The following RYR2 variants were observed in gnomAD, a reference collection of about 807,000 sequenced individuals.
The protein encoded by RYR2 is ryanodine receptor 2.
A neutral mutation model predicts 601.1 loss-of-function variants in RYR2; 227 were observed. The observed-to-expected ratio is 0.38, with a 90% CI of 0.34 to 0.42. The LOEUF (loss-of-function observed/expected upper bound fraction) is 0.42, where lower values mean the gene tolerates loss of function less well. RYR2 is among the 10% of genes least tolerant of loss of function. RYR2 has a pLI of 1.00. For missense variants in RYR2, 4,646 were observed against 6,156.5 expected, an observed-to-expected ratio of 0.75 and a Z score of 8.21; for synonymous variants, 2,223 against 2,175.1, an observed-to-expected ratio of 1.02 and a Z score of -0.61.
intron 84 of RYR2, among the ~76,000 whole-genome samples, chr1:237,767,065 C>T (rs896740652): frequency 3.3e-5 from 5 of 151,960 alleles, no homozygotes; most frequent in Admixed American, 1.3e-4. Flanking sequence ...TGATCCAATT[C>T]GATTCTCCCA....
At chr1:237,070,854 G>C (rs1664225725) in intron 1 of RYR2, among the ~76,000 whole-genome samples, 1 of 152,356 alleles carries the variant, frequency 6.6e-6, no homozygotes, top group Admixed American at 6.5e-5. Context: ...CAAGGAGAAT[G>C]CAATGGTGCC....
At chr1:237,499,566 C>A (rs75131951) in intron 20 of RYR2, among the ~76,000 whole-genome samples, 2 of 151,940 alleles carry the variant, frequency 1.3e-5, no homozygotes. Flanking sequence ...TTTTATATGA[C>A]TTTTTTAAAA....
At chr1:237,053,427 TG>T (rs891646836) in intron 1 of RYR2, among the ~76,000 whole-genome samples, 5 of 152,294 alleles carry the variant, frequency 3.3e-5, no homozygotes, top group African/African-American at 1.2e-4. Flanking sequence ...CTCCTGAAGA[TG>T]GGGGTGTCAT....
chr1:237,651,372 C>T, intron 50 of RYR2, 39 bp from the exon 51 acceptor site: 1 of 1,379,198 alleles, frequency 7.3e-7, no homozygotes, highest in Non-Finnish European at 1.0e-6. Context: ...AGTTTAGAAA[C>T]ATTTCTTGGC....
intron 37 of RYR2, among the ~76,000 whole-genome samples, chr1:237,615,053 A>G (rs547201214): frequency 5.5e-4 from 84 of 152,224 alleles, no homozygotes; most frequent in Admixed American, 2.9e-3. Context: ...TACCTTCATT[A>G]CATTGGAATA....
chr1:237,422,516 T>C (rs1705698129), intron 11 of RYR2, among the ~76,000 whole-genome samples: 2 of 152,320 alleles, frequency 1.3e-5, no homozygotes, highest in South Asian at 2.1e-4. Flanking sequence ...CATCGCGTTC[T>C]AATAATATAA....
At chr1:237,761,666 A>C (rs1460075888) in intron 84 of RYR2, among the ~76,000 whole-genome samples, 2 of 152,236 alleles carry the variant, frequency 1.3e-5, no homozygotes, top group Non-Finnish European at 2.9e-5. Flanking sequence ...CAATGCATTT[A>C]AAGCAGAAAT....
intron 101 of RYR2, among the ~76,000 whole-genome samples, chr1:237,822,672 CATA>C (rs980354007): frequency 2.2e-4 from 34 of 152,152 alleles, no homozygotes; most frequent in African/African-American, 7.2e-4. Flanking sequence ...CAAATTCACA[CATA>C]ATAATATTAA....
intron 35 of RYR2, among the ~76,000 whole-genome samples, chr1:237,608,571 G>A (rs1677417151): frequency 6.6e-6 from 1 of 152,068 alleles, no homozygotes; most frequent in South Asian, 2.1e-4. Flanking sequence ...ATGTGGTGGT[G>A]CACGCCTTTA....
chr1:237,687,363 C>CTTTTTTTTTTTTTT (rs200738727), intron 62 of RYR2, 92 bp from the exon 63 acceptor site: 1 of 450,438 alleles, frequency 2.2e-6, no homozygotes, highest in African/African-American at 3.2e-5. Context: ...CTTTTTTCTT[C>CTTTTTTTTTTTTTT]TTCTTTTTTT....
chr1:237,387,409 T>G, intron 9 of RYR2, 29 bp downstream of exon 9: 2 of 1,586,042 alleles, frequency 1.3e-6, no homozygotes, highest in Non-Finnish European at 1.7e-6. Context: ...TTAGAGGGCC[T>G]GTCCTTGCTG....
chr1:237,411,628 G>T (rs975574096), intron 10 of RYR2, among the ~76,000 whole-genome samples: 1 of 152,104 alleles, frequency 6.6e-6, no homozygotes, highest in African/African-American at 2.4e-5. Flanking sequence ...AGTGGTCTAC[G>T]TGGGTTATAT....
chr1:237,775,548 G>A (rs74149922), intron 87 of RYR2, among the ~76,000 whole-genome samples: 9,020 of 152,076 alleles, frequency 0.059, 298 homozygotes, highest in Non-Finnish European at 0.078. Context: ...ACAGCATTGC[G>A]TATTGCTTTA....
intron 27 of RYR2, among the ~76,000 whole-genome samples, chr1:237,553,913 T>C (rs1193688630): frequency 6.6e-6 from 1 of 151,982 alleles, no homozygotes; most frequent in African/African-American, 2.4e-5. Flanking sequence ...TCTATTTTTT[T>C]GTAAATTCAG....
chr1:237,148,526 A>AT (rs1558319710), intron 1 of RYR2, among the ~76,000 whole-genome samples: 59 of 79,748 alleles, frequency 7.4e-4, no homozygotes, highest in African/African-American at 2.5e-3. Context: ...AAAAAAAAAA[A>AT]AATATATATA....
intron 76 of RYR2, among the ~76,000 whole-genome samples, chr1:237,728,074 T>A (rs1690342398): frequency 6.6e-6 from 1 of 152,164 alleles, no homozygotes; most frequent in Non-Finnish European, 1.5e-5. Context: ...ATTTGTCTCT[T>A]TGATTCAGAC....
rs892543856 is a variant in RYR2, at chr1:237,655,146, G to A, written c.7966-675G>A. Among the ~76,000 whole-genome samples, 6 of 152,110 alleles carry A rather than the reference G, an allele frequency of 3.9e-5. No homozygotes were observed. In the South Asian group the frequency reaches 1.2e-3, roughly 32 times the overall value. ...GCTTTTTCTTACCGAATTTCCTTTG[G>A]TAAACTGAGTCCTTTTAAAATAATG... On this transcript the variant is annotated intron_variant, in intron 52 of 104. Coordinates refer to ENST00000366574, the MANE Select transcript of RYR2 (RefSeq NM_001035.3).
chr1:237,714,364 A>G (rs1228729334), intron 71 of RYR2, among the ~76,000 whole-genome samples: 1 of 152,212 alleles, frequency 6.6e-6, no homozygotes, highest in African/African-American at 2.4e-5. Flanking sequence ...AGAGAAAGAA[A>G]CTGATAGGAT....
At chr1:237,046,698 T>C (rs941374375) in intron 1 of RYR2, among the ~76,000 whole-genome samples, 1 of 152,238 alleles carries the variant, frequency 6.6e-6, no homozygotes, top group Non-Finnish European at 1.5e-5. Flanking sequence ...TAAGTGTTTT[T>C]ATCACGGCTG....
Sources: gnomAD v4.1 joint callset for allele counts (sites outside exome capture counted in the v4.1 genomes callset) on GRCh38, gnomAD v4.1.1 for gene constraint, MANE v1.5 for transcripts, NCBI Gene and HGNC (gene_info 2026-07-23, HGNC 2026-07-21) for gene names.